Variants in TOLLIP observed in about 807,000 individuals in gnomAD.
TOLLIP encodes the protein toll interacting protein, also known as toll-interacting protein.
In TOLLIP, 16 loss-of-function variants were observed where a neutral mutation model predicts 33.5. The ratio of observed to expected loss-of-function variants is 0.48; its 90% CI spans 0.32 to 0.72. TOLLIP has a LOEUF of 0.72. TOLLIP is among the 30% of genes least tolerant of loss of function. The pLI, the probability that TOLLIP is intolerant of heterozygous loss-of-function variation, is 0.03. For synonymous variants in TOLLIP, 176 were observed against 163.7 expected (o/e 1.07, Z -0.57); for missense variants, 325 against 396.6 (o/e 0.82, Z 1.53).
chr11:1,283,710 G>A (rs1400430426), intron 5 of TOLLIP: 2 of 390,120 alleles, frequency 5.1e-6, no homozygotes, highest in South Asian at 1.9e-5. Flanking sequence ...AAAGAGGTAA[G>A]CCAATCAATG....
At chr11:1,289,004 C>T (rs1425453200) in intron 3 of TOLLIP, among the ~76,000 whole-genome samples, 2 of 151,936 alleles carry the variant, frequency 1.3e-5, no homozygotes, top group African/African-American at 4.8e-5. Context: ...TGGGCCAGGG[C>T]CAGGGCCAGG....
intron 1 of TOLLIP, among the ~76,000 whole-genome samples, chr11:1,308,373 C>T (rs1021030872): frequency 1.3e-5 from 2 of 152,376 alleles, no homozygotes; most frequent in Middle Eastern, 3.4e-3. Flanking sequence ...CTTGGCCTTC[C>T]GCCATGACTG....
intron 3 of TOLLIP, among the ~76,000 whole-genome samples, chr11:1,289,269 G>A (rs535118717): frequency 1.1e-4 from 16 of 152,342 alleles, no homozygotes; most frequent in Middle Eastern, 3.4e-3. Flanking sequence ...GTAGGGACGG[G>A]GAGAGAAAAG....
Position 1,275,447 on chromosome 11 carries a change from G to A in TOLLIP, c.*1592C>T. ...TGACACCTTCATTCCCAATGGAGAA[G>A]AAATCTACACAGGCGTAAGACCAGG... On this transcript the variant is annotated 3_prime_UTR_variant, in exon 6 of 6. Transcript: ENST00000317204. 1 of 152,150 alleles carries A rather than the reference G, an allele frequency of 6.6e-6. No individual in the cohort carries two copies. The highest frequency in any genetic ancestry group is 1.5e-5 in the Non-Finnish European group (1 of 68,048). 9.4% of individuals were successfully genotyped at this position (152,150 alleles called of 1,614,324 possible).
chr11:1,290,815 G>A lies in TOLLIP; in HGVS notation c.184-406C>T. 5.6e-6 allele frequency: 1 copy of A among 179,472 alleles called. No individual in the cohort carries two copies. Among genetic ancestry groups the A allele is most frequent in the South Asian group, 1.3e-4 (1 of 7,558 alleles). The allele number at this position is 179,472 out of a possible 1,614,324, so 11.1% of individuals were successfully genotyped here. On this transcript the variant is annotated intron_variant, in intron 2 of 5. Transcript: ENST00000317204. The surrounding 1 kb of genome is among the most constrained non-coding windows in gnomAD (Gnocchi z 4.9). ...CATGGAGTGTGAACCTGCCCCCGGAGCATGATGACCCGGGAGAGGTGCATC... is the reference window on the plus strand; with the variant it reads ...CATGGAGTGTGAACCTGCCCCCGGAACATGATGACCCGGGAGAGGTGCATC...
chr11:1,291,453 C>A (rs1367350062), intron 2 of TOLLIP, among the ~76,000 whole-genome samples: 3 of 150,346 alleles, frequency 2.0e-5, no homozygotes, highest in African/African-American at 7.4e-5. Context: ...TGCCCCCCGA[C>A]CCCCTCTGAG....
rs1188216269 is a variant in TOLLIP, at chr11:1,277,552, T to A, written c.611-299A>T. 2.0e-5 allele frequency among the ~76,000 whole-genome samples: 3 copies of A among 152,206 alleles called. No homozygotes were observed. The highest frequency in any genetic ancestry group is 2.9e-5 in the Non-Finnish European group (2 of 68,034). On this transcript the variant is annotated intron_variant, in intron 5 of 5. Transcript: ENST00000317204. This position sits in a 1 kb window ranked among gnomAD's most constrained non-coding sequence, Gnocchi z 4.2. The stretch of plus-strand genomic sequence containing the variant: ...TTTCAAATCTCACCCGAGTCTGTTT[T>A]ATAACTAGCAGGCTGGGGGTGGTGT...
chr11:1,280,116 G>A (rs149804862), intron 5 of TOLLIP, among the ~76,000 whole-genome samples: 2 of 152,350 alleles, frequency 1.3e-5, no homozygotes, highest in East Asian at 3.9e-4. Flanking sequence ...AGTTTGTCTC[G>A]GAAACTTTTA....
At chr11:1,305,200 C>T (rs1403200162) in intron 1 of TOLLIP, among the ~76,000 whole-genome samples, 1 of 152,244 alleles carries the variant, frequency 6.6e-6, no homozygotes, top group Non-Finnish European at 1.5e-5. Flanking sequence ...TGTACAGACT[C>T]ACAACCCGGC....
intron 1 of TOLLIP, among the ~76,000 whole-genome samples, chr11:1,307,177 T>C (rs1864441936): frequency 6.6e-6 from 1 of 152,182 alleles, no homozygotes; most frequent in Non-Finnish European, 1.5e-5. Flanking sequence ...AAGCAACACC[T>C]GAGACCCCCG....
At chr11:1,288,528 T>G in intron 4 of TOLLIP, 96 bp downstream of exon 4, 1 of 1,428,826 alleles carries the variant, frequency 7.0e-7, no homozygotes, top group Non-Finnish European at 9.4e-7. Context: ...GCTCAGTGCC[T>G]CCAGGAAAGA....
chr11:1,278,185 GC>G lies in TOLLIP; in HGVS notation c.611-933del, dbSNP rs1863373571. ...GCAGCCCTGAGCACAGGCAGCGTGC[GC>G]GGGGCTCAGCGACCAGTGAGGCACA... is the stretch of plus-strand genomic sequence containing the variant. On this transcript the variant is annotated intron_variant, in intron 5 of 5. Transcript: ENST00000317204. The surrounding 1 kb of genome is among the most constrained non-coding windows in gnomAD (Gnocchi z 4.7). Among the ~76,000 whole-genome samples the G allele has an allele frequency of 6.6e-6, 1 of 151,380 alleles. No individual in the cohort carries two copies. The highest frequency in any genetic ancestry group is 6.6e-5 in the Admixed American group (1 of 15,250).
At chr11:1,285,639 G>A (rs1863667166) in intron 5 of TOLLIP, among the ~76,000 whole-genome samples, 1 of 152,058 alleles carries the variant, frequency 6.6e-6, no homozygotes, top group Admixed American at 6.5e-5. Context: ...CGGACACGAC[G>A]GCACAGTGCA....
chr11:1,297,224 T>C (rs952258959), intron 1 of TOLLIP, among the ~76,000 whole-genome samples: 1 of 152,188 alleles, frequency 6.6e-6, no homozygotes, highest in Non-Finnish European at 1.5e-5. Flanking sequence ...CGTACCTGCC[T>C]GTGCCATGGA....
rs931076340 is a variant in TOLLIP, at chr11:1,303,193, T to G, written c.33+6273A>C. Among the ~76,000 whole-genome samples, 12 of 152,278 alleles carry G rather than the reference T, an allele frequency of 7.9e-5. No individual in the cohort carries two copies. Among genetic ancestry groups the G allele is most frequent in the Admixed American group, 3.3e-4 (5 of 15,308 alleles). On this transcript the variant is annotated intron_variant, in intron 1 of 5. Transcript: ENST00000317204. This position sits in a 1 kb window ranked among gnomAD's most constrained non-coding sequence, Gnocchi z 4.2. ...TGACTACAGAACAAGCGACTTTAAA[T>G]GGGGTCTCTGCCAGGAACTCCACTG...
At chr11:1,294,479 G>A (rs1458860948) in intron 2 of TOLLIP, among the ~76,000 whole-genome samples, 1 of 66,544 alleles carries the variant, frequency 1.5e-5, no homozygotes, top group African/African-American at 7.4e-5. Flanking sequence ...ACGAAAGCCC[G>A]CGTGGCTCAC....
intron 2 of TOLLIP, 41 bp downstream of exon 2, chr11:1,295,604 G>A (rs371815197): frequency 1.6e-5 from 24 of 1,464,848 alleles, no homozygotes; most frequent in African/African-American, 8.5e-5. Flanking sequence ...CCCACCGAGC[G>A]CACCAGCCCC....
intron 1 of TOLLIP, among the ~76,000 whole-genome samples, chr11:1,296,371 C>A (rs530574150): frequency 1.3e-5 from 2 of 152,366 alleles, no homozygotes; most frequent in African/African-American, 4.8e-5. Context: ...GTCTCCTCGA[C>A]CCTCTGTCCA....
intron 5 of TOLLIP, among the ~76,000 whole-genome samples, chr11:1,281,223 T>G (rs1024545815): frequency 6.6e-6 from 1 of 152,248 alleles, no homozygotes; most frequent in Non-Finnish European, 1.5e-5. Context: ...CTTCGGGCCA[T>G]GATCATGGCG....
Sources: allele counts gnomAD v4.1 joint callset (sites outside exome capture counted in the v4.1 genomes callset), GRCh38; gene constraint gnomAD v4.1.1; non-coding constraint Gnocchi (gnomAD v3.1); transcripts MANE v1.5; gene names NCBI Gene and HGNC (gene_info 2026-07-23, HGNC 2026-07-21).